BMPER: variants seen among roughly 807,000 people sequenced by gnomAD.
BMPER encodes BMP-binding endothelial regulator protein.
BMPER carries 45 observed loss-of-function variants against 87.3 expected under a neutral mutation model. The ratio of observed to expected loss-of-function variants is 0.52; its 90% CI spans 0.41 to 0.66. The LOEUF is 0.66. Among genes scored for constraint, BMPER ranks in the 30% least tolerant of loss-of-function variants. BMPER has a pLI of 0.00. For missense variants in BMPER, 784 were observed against 867.5 expected (o/e 0.90, Z 1.21); for synonymous variants, 326 against 316.2 (o/e 1.03, Z -0.33).
chr7:34,028,282 A>C (rs1369873137), intron 6 of BMPER, among the ~76,000 whole-genome samples: 1 of 152,016 alleles, frequency 6.6e-6, no homozygotes, highest in Non-Finnish European at 1.5e-5. Flanking sequence ...ACTTCTCACT[A>C]ATTTTTTTTG....
At chr7:33,962,928 T>C (rs1264590986) in intron 3 of BMPER, among the ~76,000 whole-genome samples, 1 of 152,204 alleles carries the variant, frequency 6.6e-6, no homozygotes, top group African/African-American at 2.4e-5. Context: ...TTTAATTTTA[T>C]ATGGACAAAT....
At chr7:34,120,796 G>A (rs13240286) in intron 13 of BMPER, among the ~76,000 whole-genome samples, 11,436 of 152,180 alleles carry the variant, frequency 0.075, 606 homozygotes, top group Middle Eastern at 0.12. Flanking sequence ...ACTGATTAAA[G>A]TGAATGAACT....
In BMPER at chr7:33,905,565, A is replaced by AGGC; in HGVS notation, c.-41_-39dup. ...ACTGTGAGCTGCGGCAGCTGAGCAG[A>AGGC]GGCGGCGGCGCGGGACCTGCAGTCG... On this transcript the variant is annotated 5_prime_UTR_variant, in exon 1 of 15. Coordinates refer to ENST00000649409, the MANE Select transcript of BMPER (RefSeq NM_001365308.1). 6.2e-7 allele frequency: 1 copy of AGGC among 1,602,804 alleles called. No individual in the cohort carries two copies. The highest frequency in any genetic ancestry group is 8.5e-7 in the Non-Finnish European group (1 of 1,178,640).
intron 13 of BMPER, among the ~76,000 whole-genome samples, chr7:34,116,191 G>A (rs987513152): frequency 1.3e-5 from 2 of 152,184 alleles, no homozygotes; most frequent in Admixed American, 1.3e-4. Context: ...CATGATGGTA[G>A]GGACCTTCCT....
chr7:33,931,195 T>C (rs1457424638), intron 2 of BMPER, among the ~76,000 whole-genome samples: 20 of 152,194 alleles, frequency 1.3e-4, no homozygotes, highest in Admixed American at 1.3e-3. Flanking sequence ...CAGACTAGCT[T>C]AACTACATAC....
chr7:34,127,591 A>G (rs1325491838), intron 13 of BMPER, among the ~76,000 whole-genome samples: 4 of 151,492 alleles, frequency 2.6e-5, no homozygotes, highest in Non-Finnish European at 4.4e-5. Context: ...TTAAATACAA[A>G]CTCATCATCT....
chr7:33,905,436 T>TC, upstream of BMPER: 1 of 20,336 alleles, frequency 4.9e-5, no homozygotes, highest in Non-Finnish European at 9.2e-5. Context: ...CACCTTGGTC[T>TC]CTCCCCCCGC....
intron 6 of BMPER, among the ~76,000 whole-genome samples, chr7:34,004,259 T>G (rs1786666370): frequency 6.6e-6 from 1 of 152,126 alleles, no homozygotes; most frequent in Non-Finnish European, 1.5e-5. Flanking sequence ...TTGATGCTTT[T>G]TTATTGGTAT....
intron 14 of BMPER, among the ~76,000 whole-genome samples, chr7:34,152,205 A>G (rs1791192794): frequency 6.6e-6 from 1 of 152,222 alleles, no homozygotes; most frequent in Non-Finnish European, 1.5e-5. Context: ...GTTTAAAGGA[A>G]CTTTAAATGA....
At chr7:34,146,033 T>A (rs1471424820) in intron 14 of BMPER, among the ~76,000 whole-genome samples, 4 of 151,928 alleles carry the variant, frequency 2.6e-5, no homozygotes, top group African/African-American at 4.8e-5. Context: ...TCTCTCTCTC[T>A]CACATATACA....
intron 2 of BMPER, among the ~76,000 whole-genome samples, chr7:33,922,530 C>T (rs1270816199): frequency 6.6e-6 from 1 of 152,118 alleles, no homozygotes; most frequent in Non-Finnish European, 1.5e-5. Flanking sequence ...CTTTTAGAAT[C>T]CTGAAGTCAT....
At chr7:34,105,109 T>C (rs1789785517) in intron 13 of BMPER, among the ~76,000 whole-genome samples, 3 of 152,206 alleles carry the variant, frequency 2.0e-5, no homozygotes, top group South Asian at 2.1e-4. Flanking sequence ...TGATGCTGTA[T>C]ACCAATGTGT....
At chr7:34,129,656 G>GAAAGAA (rs1562762227) in intron 13 of BMPER, among the ~76,000 whole-genome samples, 1 of 150,756 alleles carries the variant, frequency 6.6e-6, no homozygotes, top group African/African-American at 2.4e-5. Flanking sequence ...AAGAAAGAAA[G>GAAAGAA]AAAGAAAGAA....
At chr7:33,994,944 A>C (rs1786361117) in intron 6 of BMPER, among the ~76,000 whole-genome samples, 1 of 152,154 alleles carries the variant, frequency 6.6e-6, no homozygotes, top group Admixed American at 6.5e-5. Context: ...CAGGAAGCAA[A>C]TTATTTGACT....
intron 3 of BMPER, among the ~76,000 whole-genome samples, chr7:33,965,533 C>A (rs1050073648): frequency 6.6e-6 from 1 of 152,080 alleles, no homozygotes; most frequent in Non-Finnish European, 1.5e-5. Flanking sequence ...GAGAGCCAGA[C>A]CCTTTTATTT....
chr7:34,093,092 ACT>A (rs1218108577), intron 13 of BMPER, among the ~76,000 whole-genome samples: 1 of 152,170 alleles, frequency 6.6e-6, no homozygotes, highest in Non-Finnish European at 1.5e-5. Flanking sequence ...GCTAGAAGGA[ACT>A]CAAGTGGTAA....
chr7:34,043,795 G>T (rs1219125039), intron 6 of BMPER, among the ~76,000 whole-genome samples: 1 of 152,204 alleles, frequency 6.6e-6, no homozygotes, highest in East Asian at 1.9e-4. Flanking sequence ...TTCCAGGATG[G>T]ATTAGTGAAA....
chr7:33,999,933 C>A (rs749335976), intron 6 of BMPER, among the ~76,000 whole-genome samples: 1 of 152,160 alleles, frequency 6.6e-6, no homozygotes, highest in Non-Finnish European at 1.5e-5. Context: ...GAAGTGGAGA[C>A]CTCATCAAAC....
intron 6 of BMPER, among the ~76,000 whole-genome samples, chr7:33,980,981 C>T (rs1785842204): frequency 6.6e-6 from 1 of 152,210 alleles, no homozygotes; most frequent in Admixed American, 6.5e-5. Context: ...TGGAGATCCT[C>T]ATGGCTTCCC....
Sources: gnomAD v4.1 joint callset for allele counts (sites outside exome capture counted in the v4.1 genomes callset) on GRCh38, gnomAD v4.1.1 for gene constraint, MANE v1.5 for transcripts, NCBI Gene and HGNC (gene_info 2026-07-23, HGNC 2026-07-21) for gene names.